Variants in GOLGA5 observed in about 807,000 individuals in gnomAD.
The protein encoded by GOLGA5 is golgin subfamily A member 5.
GOLGA5 carries 50 observed loss-of-function variants against 93.5 expected under a neutral mutation model. The ratio of observed to expected loss-of-function variants is 0.53; its 90% CI spans 0.43 to 0.68. The LOEUF (loss-of-function observed/expected upper bound fraction) is 0.68, where lower values mean the gene tolerates loss of function less well. Ranked by LOEUF, GOLGA5 falls within the 30% of genes least tolerant of loss-of-function variation. The pLI is 0.00. For synonymous variants in GOLGA5, 312 were observed against 304.5 expected (o/e 1.02, Z -0.26); for missense variants, 760 against 856.4 (o/e 0.89, Z 1.40).
chr14:92,834,810 G>A (rs1885606216), intron 10 of GOLGA5, among the ~76,000 whole-genome samples: 1 of 152,234 alleles, frequency 6.6e-6, no homozygotes, highest in Admixed American at 6.5e-5. Flanking sequence ...ACTGCACAGG[G>A]CTAAAAGTGG....
intron 12 of GOLGA5, among the ~76,000 whole-genome samples, chr14:92,838,532 G>A (rs895758552): frequency 3.3e-5 from 5 of 151,960 alleles, no homozygotes; most frequent in African/African-American, 9.7e-5. Context: ...TGCACCTAGC[G>A]AATTTTTCTG....
chr14:92,808,244 TCAACAACAA>T (rs534764313), intron 3 of GOLGA5, among the ~76,000 whole-genome samples: 4 of 151,596 alleles, frequency 2.6e-5, no homozygotes, highest in East Asian at 2.0e-4. Flanking sequence ...GAGACTCGTC[TCAACAACAA>T]CAACAACAAC....
intron 9 of GOLGA5, among the ~76,000 whole-genome samples, chr14:92,826,729 T>C (rs1885430419): frequency 6.6e-6 from 1 of 151,448 alleles, no homozygotes; most frequent in Non-Finnish European, 1.5e-5. Flanking sequence ...AAGAAAATTA[T>C]TGCATGGGAG....
intron 2 of GOLGA5, among the ~76,000 whole-genome samples, chr14:92,802,694 TTTC>T (rs1428871048): frequency 4.6e-5 from 7 of 151,238 alleles, no homozygotes; most frequent in Non-Finnish European, 4.4e-5. Flanking sequence ...TAATATAGTT[TTTC>T]TTCTTTAATA....
chr14:92,802,872 C>T (rs1884903852), intron 2 of GOLGA5, among the ~76,000 whole-genome samples: 1 of 151,896 alleles, frequency 6.6e-6, no homozygotes, highest in Non-Finnish European at 1.5e-5. Flanking sequence ...TCAAGTAATC[C>T]TCCCACTTCC....
At chr14:92,824,721 A>G (rs1272614413) in intron 9 of GOLGA5, 77 bp downstream of exon 9, 5 of 747,666 alleles carry the variant, frequency 6.7e-6, no homozygotes, top group Non-Finnish European at 1.2e-5. Context: ...CACAGTAAGA[A>G]CTTTCCCCGT....
Position 92,839,498 on chromosome 14 carries a change from TGCAA to T in GOLGA5, c.*54_*57del, listed in dbSNP as rs1197973799. On this transcript the variant is annotated 3_prime_UTR_variant, in exon 13 of 13. Coordinates refer to ENST00000163416, the MANE Select transcript of GOLGA5 (RefSeq NM_005113.4). ...GTTGTCTTTTTCTAGACTTGGGATC[TGCAA>T]GAAGGCCAATTGCCTAAAATTTCTG... 9.0e-6 allele frequency: 11 copies of T among 1,215,954 alleles called. No individual in the cohort carries two copies. The highest frequency in any genetic ancestry group is 6.8e-5 in the Admixed American group (4 of 59,048). The allele number at this position is 1,215,954 out of a possible 1,614,324, so 75.3% of individuals were successfully genotyped here. A position where few individuals can be genotyped will look rare whatever the true frequency, so the allele number is the denominator to read the frequency against.
intron 2 of GOLGA5, 74 bp downstream of exon 2, chr14:92,798,055 T>C: frequency 1.0e-6 from 1 of 960,324 alleles, no homozygotes; most frequent in Non-Finnish European, 1.6e-6. Context: ...CGATGGTGTT[T>C]CTCATCTACT....
chr14:92,831,837 C>G (rs1334898941), intron 9 of GOLGA5, among the ~76,000 whole-genome samples: 1 of 151,848 alleles, frequency 6.6e-6, no homozygotes, highest in Admixed American at 6.6e-5. Flanking sequence ...TTTTTAAGTG[C>G]CTACCATATG....
chr14:92,794,456 G>A lies in GOLGA5; in HGVS notation c.-31G>A, dbSNP rs1884670572. 6.6e-6 allele frequency: 1 copy of A among 152,486 alleles called. No homozygotes were observed. Among genetic ancestry groups the A allele is most frequent in the Non-Finnish European group, 1.5e-5 (1 of 68,242 alleles). 9.4% of individuals were successfully genotyped at this position (152,486 alleles called of 1,614,324 possible). A position where few individuals can be genotyped will look rare whatever the true frequency, so the allele number is the denominator to read the frequency against. On this transcript the variant is annotated splice_region_variant and 5_prime_UTR_variant, in exon 1 of 13. Transcript: ENST00000163416. ...TAGTGCAGCCTCTCCGGAGTCCTCA[G>A]GTGAGGCGGAGGCGAGGGCCCACTG... is the stretch of plus-strand genomic sequence containing the variant.
At chr14:92,828,129 G>A (rs893840929) in intron 9 of GOLGA5, among the ~76,000 whole-genome samples, 2 of 152,358 alleles carry the variant, frequency 1.3e-5, no homozygotes. Context: ...GATTTTCAAT[G>A]TAGATGAAAC....
rs200448653 is a variant in GOLGA5, at chr14:92,833,180, A to T, written c.1778A>T (p.Gln593Leu). 1.2e-6 allele frequency: 2 copies of T among 1,613,474 alleles called. No homozygotes were observed. The highest frequency in any genetic ancestry group is 4.5e-5 in the East Asian group (2 of 44,878). Residue 593 changes from glutamine to leucine, a missense_variant, in exon 10 of 13, where the codon CAG (glutamine) becomes CTG (leucine). Coordinates refer to ENST00000163416, the MANE Select transcript of GOLGA5 (RefSeq NM_005113.4). ...TCTGAGTTAGAAAATCGACTCCATCAGCTAACAGAGACTCTCATCCAGAAA... is the reference window on the plus strand; with the variant it reads ...TCTGAGTTAGAAAATCGACTCCATCTGCTAACAGAGACTCTCATCCAGAAA... ...SQSELENRLH[Q>L]LTETLIQKQT...
At chr14:92,804,655 CTTT>C (rs765326844) in intron 2 of GOLGA5, among the ~76,000 whole-genome samples, 8 of 114,296 alleles carry the variant, frequency 7.0e-5, no homozygotes, top group Admixed American at 2.6e-4. Context: ...TAATTTCTTT[CTTT>C]TTTTTTTTTT....
chr14:92,796,736 C>T (rs1360243599), intron 1 of GOLGA5, among the ~76,000 whole-genome samples: 3 of 143,406 alleles, frequency 2.1e-5, no homozygotes, highest in Admixed American at 7.1e-5. Flanking sequence ...TTTGGGAGGC[C>T]GAGGCGGGTG....
intron 9 of GOLGA5, among the ~76,000 whole-genome samples, chr14:92,831,859 A>G (rs1391375565): frequency 2.6e-5 from 4 of 152,138 alleles, no homozygotes; most frequent in Non-Finnish European, 5.9e-5. Flanking sequence ...CAGGTACCAT[A>G]TTAGGTGTTT....
chr14:92,823,202 A>AT (rs1307076802), intron 8 of GOLGA5, among the ~76,000 whole-genome samples: 3 of 151,920 alleles, frequency 2.0e-5, no homozygotes, highest in Admixed American at 6.6e-5. Flanking sequence ...TCCTAGTATC[A>AT]TTTTTTTAAA....
chr14:92,812,195 C>T (rs1004091483), intron 6 of GOLGA5, among the ~76,000 whole-genome samples: 1 of 152,174 alleles, frequency 6.6e-6, no homozygotes, highest in Non-Finnish European at 1.5e-5. Flanking sequence ...CATCTAATGT[C>T]GTTTTTGAAT....
At chr14:92,821,219 A>T (rs8011885) in intron 8 of GOLGA5, among the ~76,000 whole-genome samples, 4 of 152,014 alleles carry the variant, frequency 2.6e-5, no homozygotes, top group South Asian at 2.1e-4. Context: ...TTCTAGGAAC[A>T]GCAGTAAATA....
chr14:92,832,545 T>C (rs1053117732), intron 9 of GOLGA5, among the ~76,000 whole-genome samples: 2 of 152,182 alleles, frequency 1.3e-5, no homozygotes, highest in Non-Finnish European at 2.9e-5. Flanking sequence ...CTAAATACCA[T>C]GTGCAACGGG....
Sources: gnomAD v4.1 joint callset for allele counts (sites outside exome capture counted in the v4.1 genomes callset) on GRCh38, gnomAD v4.1.1 for gene constraint, MANE v1.5 for transcripts, NCBI Gene and HGNC (gene_info 2026-07-23, HGNC 2026-07-21) for gene names.